The following SPTLC2 variants were observed in gnomAD, a reference collection of about 807,000 sequenced individuals.
SPTLC2 encodes the protein serine palmitoyltransferase 2.
SPTLC2 carries 21 observed loss-of-function variants against 62.0 expected under a neutral mutation model. That is an observed-to-expected ratio of 0.34 (90% confidence interval 0.24 to 0.49). The LOEUF (loss-of-function observed/expected upper bound fraction) is 0.49, where lower values mean the gene tolerates loss of function less well. SPTLC2 is among the 20% of genes least tolerant of loss of function. SPTLC2 has a pLI of 0.99. For synonymous variants in SPTLC2, 261 were observed against 261.8 expected (o/e 1.00, Z 0.03); for missense variants, 511 against 713.0 (o/e 0.72, Z 3.23).
intron 3 of SPTLC2, among the ~76,000 whole-genome samples, chr14:77,577,377 A>G (rs2079722500): frequency 6.6e-6 from 1 of 152,106 alleles, no homozygotes; most frequent in South Asian, 2.1e-4. Flanking sequence ...CCCCTAACTA[A>G]GGACAAAATG....
intron 9 of SPTLC2, among the ~76,000 whole-genome samples, chr14:77,541,516 C>T (rs554130480): frequency 5.1e-4 from 77 of 152,204 alleles, no homozygotes; most frequent in Non-Finnish European, 9.7e-4. Context: ...GGATATACAC[C>T]CATTTAGAAG....
At chr14:77,536,456 T>C (rs2079471396) in intron 9 of SPTLC2, among the ~76,000 whole-genome samples, 1 of 152,118 alleles carries the variant, frequency 6.6e-6, no homozygotes, top group Admixed American at 6.6e-5. Context: ...ATATATCACG[T>C]GCCATAAAAT....
At chr14:77,573,425 T>C (rs150027176) in intron 4 of SPTLC2, among the ~76,000 whole-genome samples, 29 of 152,048 alleles carry the variant, frequency 1.9e-4, no homozygotes, top group Non-Finnish European at 8.8e-5. Flanking sequence ...TCTATACATG[T>C]AACAACACAT....
chr14:77,558,966 T>C (rs959427442), intron 6 of SPTLC2, among the ~76,000 whole-genome samples: 2 of 152,188 alleles, frequency 1.3e-5, no homozygotes, highest in Admixed American at 6.5e-5. Flanking sequence ...GGAATTATTT[T>C]AGTTTTCTCT....
chr14:77,512,746 C>T (rs1372620616), intron 11 of SPTLC2, among the ~76,000 whole-genome samples: 1 of 152,192 alleles, frequency 6.6e-6, no homozygotes, highest in Non-Finnish European at 1.5e-5. Flanking sequence ...GATGGAGTAT[C>T]GCTCTGTTGC....
intron 9 of SPTLC2, among the ~76,000 whole-genome samples, chr14:77,524,937 G>C (rs2079401565): frequency 1.3e-5 from 2 of 152,142 alleles, no homozygotes. Flanking sequence ...GCTTTTGATA[G>C]CACAGGATGA....
chr14:77,531,188 G>C (rs1389919826), intron 9 of SPTLC2, among the ~76,000 whole-genome samples: 3 of 152,182 alleles, frequency 2.0e-5, no homozygotes, highest in Non-Finnish European at 4.4e-5. Flanking sequence ...TAAGATTGTT[G>C]TTGGCATTTT....
intron 1 of SPTLC2, among the ~76,000 whole-genome samples, chr14:77,610,488 G>A (rs117220724): frequency 0.026 from 3,878 of 152,056 alleles, 82 homozygotes; most frequent in Middle Eastern, 0.041. Context: ...GTCTCGCCAC[G>A]TTGCCCAGGC....
rs2079323035 is a variant in SPTLC2 at position 77,509,754 on chromosome 14, A to C, written c.*2530T>G. ...TTCAAGAAGAGACAACCAACCATGT[A>C]TAATGTCTACATAACATTTTGTTCT... is the stretch of plus-strand genomic sequence containing the variant. On this transcript the variant is annotated 3_prime_UTR_variant, in exon 12 of 12. Transcript: ENST00000216484. 1 of 396,688 alleles carries C rather than the reference A, an allele frequency of 2.5e-6. No individual in the cohort carries two copies. Among genetic ancestry groups the C allele is most frequent in the East Asian group, 3.6e-5 (1 of 27,942 alleles). The allele number at this position is 396,688 out of a possible 1,614,324, so 24.6% of individuals were successfully genotyped here. A position where few individuals can be genotyped will look rare whatever the true frequency, so the allele number is the denominator to read the frequency against.
At chr14:77,567,787 GTTTAA>G (rs1373063286) in intron 5 of SPTLC2, among the ~76,000 whole-genome samples, 3 of 142,918 alleles carry the variant, frequency 2.1e-5, no homozygotes. Flanking sequence ...CTTAGTTTGG[GTTTAA>G]TTTGTTTTTC....
intron 1 of SPTLC2, among the ~76,000 whole-genome samples, chr14:77,598,689 T>C (rs1277200646): frequency 1.3e-5 from 2 of 152,160 alleles, no homozygotes; most frequent in Non-Finnish European, 2.9e-5. Context: ...CCTAGCACTT[T>C]GGGAGGCCAA....
chr14:77,565,719 T>G (rs553648993), intron 5 of SPTLC2, among the ~76,000 whole-genome samples: 1 of 152,278 alleles, frequency 6.6e-6, no homozygotes, highest in South Asian at 2.1e-4. Flanking sequence ...CTAAAGACAA[T>G]GTGGATCCTC....
Position 77,564,724 on chromosome 14 carries a change from C to T in SPTLC2, c.757-2235G>A, listed in dbSNP as rs185793264. ...TAAAAAAAAAAAGTTATTATATATT[C>T]AAAGGACACAGGTACCCACCTGAAG... is the stretch of plus-strand genomic sequence containing the variant. On this transcript the variant is annotated intron_variant, in intron 5 of 11. Transcript: ENST00000216484. Among the ~76,000 whole-genome samples, 433 of 151,878 alleles carry T rather than the reference C, an allele frequency of 2.9e-3. 3 individuals are homozygous for T. Among genetic ancestry groups the T allele is most frequent in the Middle Eastern group, 0.024 (7 of 294 alleles).
chr14:77,568,824 A>AAG (rs71128648), intron 5 of SPTLC2, among the ~76,000 whole-genome samples: 58,891 of 144,862 alleles, frequency 0.41, 14,457 homozygotes, highest in East Asian at 0.86. Flanking sequence ...AAAAAAAAAA[A>AAG]AGAGAGAGGG....
At chr14:77,518,310 A>G in intron 10 of SPTLC2, 143 bp from the exon 11 acceptor site, 1 of 1,257,288 alleles carries the variant, frequency 8.0e-7, no homozygotes, top group Non-Finnish European at 1.1e-6. Context: ...ACTCCTTTTA[A>G]AGTTAAAATT....
At chr14:77,530,448 C>A (rs998748316) in intron 9 of SPTLC2, among the ~76,000 whole-genome samples, 7 of 152,146 alleles carry the variant, frequency 4.6e-5, no homozygotes, top group African/African-American at 1.7e-4. Flanking sequence ...CGTGCCTCAG[C>A]CTCCTGAGTA....
In SPTLC2 at chr14:77,552,219, G is replaced by C. The variant is rs1251560150; in HGVS notation, c.1180C>G (p.Leu394Val). The C allele has an allele frequency of 6.2e-7, 1 of 1,614,086 alleles. No individual in the cohort carries two copies. The highest frequency in any genetic ancestry group is 8.5e-7 in the Non-Finnish European group (1 of 1,179,974). ...GAATGTGTTCGCAGGTAGTCTATCA[G>C]CTCCTGGGGAGTTCACAGAGGCAGA... Reference protein sequence around the residue: ...SGGYIGGKKELIDYLRTHSHS... With the variant: ...SGGYIGGKKEVIDYLRTHSHS... Residue 394 changes from leucine to valine, a missense_variant, in exon 9 of 12, where the codon CTG becomes GTG. By Grantham distance (32) the Leu-to-Val change is conservative. Transcript: ENST00000216484.
chr14:77,612,210 C>T (rs568255945), intron 1 of SPTLC2, among the ~76,000 whole-genome samples: 4 of 152,320 alleles, frequency 2.6e-5, no homozygotes, highest in Admixed American at 2.6e-4. Flanking sequence ...AACACTGCTT[C>T]TTTCTTCCAA....
intron 11 of SPTLC2, 128 bp downstream of exon 11, chr14:77,517,910 A>G: frequency 7.0e-7 from 1 of 1,437,580 alleles, no homozygotes. Flanking sequence ...TGTTTTTGGT[A>G]GCACTGTCAC....
Sources: allele counts gnomAD v4.1 joint callset (sites outside exome capture counted in the v4.1 genomes callset), GRCh38; gene constraint gnomAD v4.1.1; transcripts MANE v1.5; gene names NCBI Gene and HGNC (gene_info 2026-07-23, HGNC 2026-07-21).